UAP1: variants seen among roughly 807,000 people sequenced by gnomAD.
UAP1 encodes the protein UDP-N-acetylglucosamine pyrophosphorylase 1.
In UAP1, 25 loss-of-function variants were observed where a neutral mutation model predicts 58.5. That is an observed-to-expected ratio of 0.43 (90% confidence interval 0.31 to 0.60). The LOEUF (loss-of-function observed/expected upper bound fraction) is 0.60, where lower values mean the gene tolerates loss of function less well. Ranked by LOEUF, UAP1 falls within the 20% of genes least tolerant of loss-of-function variation. UAP1 has a pLI of 0.11. For missense variants in UAP1, 575 were observed against 630.0 expected (o/e 0.91, Z 0.93); for synonymous variants, 208 against 213.0 (o/e 0.98, Z 0.21).
chr1:162,581,480 G>A (rs779020446), intron 5 of UAP1, 21 bp downstream of exon 5: 7 of 1,605,740 alleles, frequency 4.4e-6, no homozygotes, highest in Non-Finnish European at 6.0e-6. Flanking sequence ...TCTCAACTAT[G>A]GTGAGGCTTT....
chr1:162,581,145 C>T, intron 4 of UAP1, 142 bp from the exon 5 acceptor site: 1 of 882,630 alleles, frequency 1.1e-6, no homozygotes, highest in Non-Finnish European at 1.7e-6. Flanking sequence ...CACCTGATTC[C>T]TTCCTTATGG....
At chr1:162,576,684 C>T in intron 2 of UAP1, 93 bp from the exon 3 acceptor site, 3 of 1,207,108 alleles carry the variant, frequency 2.5e-6, no homozygotes, top group Non-Finnish European at 3.5e-6. Flanking sequence ...AGCCTTACTT[C>T]CTTTTTGATG....
chr1:162,582,406 C>T (rs769077346), intron 5 of UAP1, among the ~76,000 whole-genome samples: 2 of 151,966 alleles, frequency 1.3e-5, no homozygotes, highest in Non-Finnish European at 2.9e-5. Context: ...GTACTGGAAC[C>T]AGAATAGAAT....
At chr1:162,568,967 A>G (rs904345315) in intron 2 of UAP1, among the ~76,000 whole-genome samples, 1 of 152,190 alleles carries the variant, frequency 6.6e-6, no homozygotes, top group Non-Finnish European at 1.5e-5. Flanking sequence ...TAAAATCCGG[A>G]ACTATTAGAA....
chr1:162,565,029 T>C (rs1441039047), intron 1 of UAP1, among the ~76,000 whole-genome samples: 3 of 152,104 alleles, frequency 2.0e-5, no homozygotes, highest in Non-Finnish European at 4.4e-5. Context: ...TTACCACATC[T>C]GGCTAATTTT....
chr1:162,581,630 T>C (rs1654591415), intron 5 of UAP1, among the ~76,000 whole-genome samples, 171 bp downstream of exon 5: 1 of 152,232 alleles, frequency 6.6e-6, no homozygotes, highest in African/African-American at 2.4e-5. Flanking sequence ...TTGGCAAGAC[T>C]TGATTCTAGA....
intron 2 of UAP1, 31 bp downstream of exon 2, chr1:162,566,379 G>T: frequency 6.3e-7 from 1 of 1,580,780 alleles, no homozygotes; most frequent in Non-Finnish European, 8.6e-7. Flanking sequence ...TCTTACTGAA[G>T]TTTATTTGAG....
intron 4 of UAP1, among the ~76,000 whole-genome samples, 185 bp downstream of exon 4, chr1:162,579,788 T>C (rs1654470204): frequency 6.6e-6 from 1 of 152,194 alleles, no homozygotes; most frequent in African/African-American, 2.4e-5. Flanking sequence ...CTTTTATGCT[T>C]GTTGTGGGTG....
chr1:162,596,194 G>A lies in UAP1; in HGVS notation c.1410-1598G>A, dbSNP rs141046251. 8.2e-3 allele frequency among the ~76,000 whole-genome samples: 1,235 copies of A among 150,774 alleles called. 24 individuals carry two copies. The highest frequency in any genetic ancestry group is 0.028 in the African/African-American group (1,153 of 40,960). Reference sequence around the variant, plus strand: ...TTAATTAATGTATTTATTTATTTTCGAGACAGAGTCTCGCTCTGTCACCCC... The same window carrying A: ...TTAATTAATGTATTTATTTATTTTCAAGACAGAGTCTCGCTCTGTCACCCC... On this transcript the variant is annotated intron_variant, in intron 9 of 10. Coordinates refer to ENST00000271469, the Ensembl canonical transcript of UAP1.
At chr1:162,575,178 C>T (rs2101762077) in intron 2 of UAP1, among the ~76,000 whole-genome samples, 1 of 152,310 alleles carries the variant, frequency 6.6e-6, no homozygotes, top group Non-Finnish European at 1.5e-5. Context: ...AAGTGATTCT[C>T]CTGCCTCAGC....
intron 9 of UAP1, among the ~76,000 whole-genome samples, chr1:162,596,656 G>A (rs1054236299): frequency 2.6e-5 from 4 of 152,178 alleles, no homozygotes; most frequent in Non-Finnish European, 4.4e-5. Context: ...GAGAGTCTCA[G>A]GATAAGTAAG....
chr1:162,577,264 G>C (rs1255014122), intron 3 of UAP1, among the ~76,000 whole-genome samples: 1 of 151,510 alleles, frequency 6.6e-6, no homozygotes, highest in Non-Finnish European at 1.5e-5. Context: ...CATATTTTCA[G>C]GTACCAGGTT....
chr1:162,600,389 T>G (rs991106430), downstream of UAP1, among the ~76,000 whole-genome samples: 2 of 152,324 alleles, frequency 1.3e-5, no homozygotes, highest in African/African-American at 4.8e-5. Flanking sequence ...AAGGTGGTTC[T>G]TTAAATATGG....
At position 162,590,309 on chromosome 1, in the gene UAP1, T is replaced by C. The variant is rs1395279404; in HGVS notation, c.1170-14T>C. 1.9e-6 allele frequency: 3 copies of C among 1,602,080 alleles called. No individual in the cohort carries two copies. The Admixed American group carries it at 5.1e-5, about 27-fold the overall frequency. ...GTTTCATAATAAAGAGGTCTTTATA[T>C]GGTTTCGCTCTAGGAAGTTTGTGGT... is the stretch of plus-strand genomic sequence containing the variant. On this transcript the variant is annotated splice_polypyrimidine_tract_variant and intron_variant, in intron 7 of 10. Transcript: ENST00000271469.
chr1:162,583,748 C>T (rs951869854), intron 5 of UAP1, among the ~76,000 whole-genome samples: 4 of 152,136 alleles, frequency 2.6e-5, no homozygotes, highest in African/African-American at 9.7e-5. Flanking sequence ...CTGCCTCAGC[C>T]TCTGGAGTAG....
At chr1:162,578,102 T>C (rs553271309) in intron 3 of UAP1, among the ~76,000 whole-genome samples, 5 of 152,134 alleles carry the variant, frequency 3.3e-5, no homozygotes, top group Admixed American at 6.6e-5. Context: ...TTGGTTCAGC[T>C]CTTTAGTCTC....
intron 2 of UAP1, among the ~76,000 whole-genome samples, chr1:162,570,904 A>G (rs1177834090): frequency 6.6e-6 from 1 of 152,120 alleles, no homozygotes; most frequent in Admixed American, 6.5e-5. Flanking sequence ...GTTAAAGTGT[A>G]TAGGAGGAAC....
intron 4 of UAP1, among the ~76,000 whole-genome samples, chr1:162,579,855 A>ATTTTATT (rs1480996117): frequency 6.6e-6 from 1 of 151,888 alleles, no homozygotes; most frequent in African/African-American, 2.4e-5. Flanking sequence ...TATAACAAGT[A>ATTTTATT]TTTTATTTTT....
intron 1 of UAP1, 106 bp downstream of exon 1, chr1:162,561,883 C>G (rs977361796): frequency 6.6e-6 from 1 of 152,334 alleles, no homozygotes; most frequent in African/African-American, 2.4e-5. Flanking sequence ...CGTGGACACG[C>G]GTCGCACGAA....
Sources: gnomAD v4.1 joint callset for allele counts (sites outside exome capture counted in the v4.1 genomes callset) on GRCh38, gnomAD v4.1.1 for gene constraint, MANE v1.5 for transcripts, NCBI Gene and HGNC (gene_info 2026-07-23, HGNC 2026-07-21) for gene names.